CSMD1: variants seen among roughly 807,000 people sequenced by gnomAD.
The protein encoded by CSMD1 is CUB and Sushi multiple domains 1.
Under a neutral mutation model 417.5 loss-of-function variants are expected in CSMD1, and 213 were observed. The observed-to-expected ratio is 0.51, with a 90% CI of 0.46 to 0.57. The LOEUF (loss-of-function observed/expected upper bound fraction) is 0.57, where lower values mean the gene tolerates loss of function less well. CSMD1 is among the 20% of genes least tolerant of loss of function. The pLI is 0.00. For missense variants in CSMD1, 6,923 were observed against 4,529.7 expected, an observed-to-expected ratio of 1.53 and a Z score of -15.17; for synonymous variants, 2,862 against 1,736.8, an observed-to-expected ratio of 1.65 and a Z score of -16.11.
chr8:4,228,114 C>T (rs900641906), intron 3 of CSMD1, among the ~76,000 whole-genome samples: 2 of 152,108 alleles, frequency 1.3e-5, no homozygotes, highest in Admixed American at 6.5e-5. Flanking sequence ...CATTCAACCC[C>T]GTAACAGGAG....
chr8:4,570,311 C>A (rs1798821657), intron 2 of CSMD1, among the ~76,000 whole-genome samples: 1 of 152,082 alleles, frequency 6.6e-6, no homozygotes, highest in Non-Finnish European at 1.5e-5. Flanking sequence ...GACATATGTT[C>A]CGTCAATACC....
At chr8:4,206,756 T>C (rs1439077588) in intron 3 of CSMD1, among the ~76,000 whole-genome samples, 1 of 152,178 alleles carries the variant, frequency 6.6e-6, no homozygotes, top group East Asian at 1.9e-4. Flanking sequence ...ATATTTCCAA[T>C]GAAACCATAT....
intron 2 of CSMD1, among the ~76,000 whole-genome samples, chr8:4,495,359 A>G (rs1801925984): frequency 1.3e-5 from 2 of 152,268 alleles, no homozygotes; most frequent in Middle Eastern, 3.4e-3. Flanking sequence ...GCGGATCACG[A>G]AGTCAAGGGT....
intron 5 of CSMD1, among the ~76,000 whole-genome samples, chr8:3,890,989 T>C (rs967540141): frequency 4.6e-5 from 7 of 152,130 alleles, no homozygotes; most frequent in Admixed American, 6.5e-5. Flanking sequence ...TTATGGACAT[T>C]TTATAGCTAA....
At chr8:4,657,128 A>G (rs560211514) in intron 1 of CSMD1, among the ~76,000 whole-genome samples, 3 of 152,244 alleles carry the variant, frequency 2.0e-5, no homozygotes, top group South Asian at 4.1e-4. Context: ...CATCCAAAAC[A>G]TCCCTGCATA....
At chr8:4,478,843 T>G (rs1351410692) in intron 2 of CSMD1, among the ~76,000 whole-genome samples, 2 of 152,226 alleles carry the variant, frequency 1.3e-5, no homozygotes, top group African/African-American at 4.8e-5. Context: ...TGCTTTGACA[T>G]CCATACTTAG....
chr8:3,099,561 C>G (rs1815583991), intron 46 of CSMD1, among the ~76,000 whole-genome samples: 1 of 152,178 alleles, frequency 6.6e-6, no homozygotes, highest in African/African-American at 2.4e-5. Flanking sequence ...CTCTACCCTG[C>G]ATTTTTATGA....
intron 1 of CSMD1, among the ~76,000 whole-genome samples, chr8:4,978,313 G>C (rs904533084): frequency 5.9e-5 from 9 of 152,108 alleles, no homozygotes; most frequent in African/African-American, 2.2e-4. Context: ...CCTCTAATTT[G>C]AGTCAGGACA....
At chr8:3,450,514 A>C (rs553625712) in intron 12 of CSMD1, among the ~76,000 whole-genome samples, 1 of 142,876 alleles carries the variant, frequency 7.0e-6, no homozygotes, top group Non-Finnish European at 1.5e-5. Flanking sequence ...TCCTGTGTCC[A>C]TGTGTTCTCA....
chr8:4,401,541 C>A (rs1039859855), intron 3 of CSMD1, among the ~76,000 whole-genome samples: 2 of 152,120 alleles, frequency 1.3e-5, no homozygotes, highest in South Asian at 2.1e-4. Context: ...AGCAGTAGCT[C>A]CCCTGTCTGA....
intron 3 of CSMD1, among the ~76,000 whole-genome samples, chr8:4,082,349 C>T (rs1012341102): frequency 6.6e-6 from 1 of 152,170 alleles, no homozygotes; most frequent in East Asian, 1.9e-4. Flanking sequence ...GTTAAAATGA[C>T]AGGCCCAGAT....
chr8:3,596,309 C>G (rs1409321375), intron 8 of CSMD1, among the ~76,000 whole-genome samples: 1 of 152,132 alleles, frequency 6.6e-6, no homozygotes, highest in Non-Finnish European at 1.5e-5. Flanking sequence ...TGAACATGCC[C>G]AGGCAGCAGC....
At chr8:4,646,071 C>A (rs747407807) in intron 1 of CSMD1, among the ~76,000 whole-genome samples, 13 of 152,300 alleles carry the variant, frequency 8.5e-5, no homozygotes, top group Middle Eastern at 3.4e-3. Flanking sequence ...AAACAGGTGA[C>A]AATCTAAACC....
intron 5 of CSMD1, among the ~76,000 whole-genome samples, chr8:3,793,063 CAA>C (rs1195172266): frequency 6.6e-6 from 1 of 152,070 alleles, no homozygotes; most frequent in African/African-American, 2.4e-5. Context: ...GTAAAACACC[CAA>C]AAGAGTAGAA....
At chr8:3,249,768 C>A (rs1310083741) in intron 26 of CSMD1, among the ~76,000 whole-genome samples, 1 of 151,740 alleles carries the variant, frequency 6.6e-6, no homozygotes, top group African/African-American at 2.4e-5. Context: ...TTTTTTAAAT[C>A]TAATCAATTT....
chr8:3,786,877 C>G (rs944127192), intron 5 of CSMD1, among the ~76,000 whole-genome samples: 2 of 152,098 alleles, frequency 1.3e-5, no homozygotes, highest in East Asian at 1.9e-4. Flanking sequence ...GCCACACCCT[C>G]CTGACCTAAA....
At chr8:4,757,680 T>G (rs983543338) in intron 1 of CSMD1, among the ~76,000 whole-genome samples, 6 of 152,126 alleles carry the variant, frequency 3.9e-5, no homozygotes, top group African/African-American at 4.8e-5. Flanking sequence ...GACATTATGC[T>G]GGGCATGGTG....
At chr8:3,657,108 T>C (rs897523516) in intron 7 of CSMD1, among the ~76,000 whole-genome samples, 1 of 152,084 alleles carries the variant, frequency 6.6e-6, no homozygotes, top group Non-Finnish European at 1.5e-5. Flanking sequence ...CTGGACATTG[T>C]CATTGGAGAA....
At chr8:4,330,869 G>A (rs545600997) in intron 3 of CSMD1, among the ~76,000 whole-genome samples, 6 of 152,066 alleles carry the variant, frequency 3.9e-5, no homozygotes, top group Admixed American at 6.6e-5. Context: ...AGCTCAGCAG[G>A]AATGTCAGTT....
Sources: gnomAD v4.1 joint callset for allele counts (sites outside exome capture counted in the v4.1 genomes callset) on GRCh38, gnomAD v4.1.1 for gene constraint, MANE v1.5 for transcripts, NCBI Gene and HGNC (gene_info 2026-07-23, HGNC 2026-07-21) for gene names.